TMEM255B: variants seen among roughly 807,000 people sequenced by gnomAD.
TMEM255B encodes family with sequence similarity 70, member B.
Under a neutral mutation model 34.5 loss-of-function variants are expected in TMEM255B, and 35 were observed. The ratio of observed to expected loss-of-function variants is 1.01; its 90% CI spans 0.77 to 1.34. TMEM255B has a LOEUF of 1.34. Among genes scored for constraint, TMEM255B ranks in the 40% most tolerant of loss-of-function variants. TMEM255B has a pLI of 0.00. For synonymous variants in TMEM255B, 206 were observed against 201.2 expected (o/e 1.02, Z -0.20); for missense variants, 432 against 433.2 (o/e 1.00, Z 0.02).
chr13:113,790,336 G>A (rs578193445), intron 3 of TMEM255B, among the ~76,000 whole-genome samples: 3 of 110,780 alleles, frequency 2.7e-5, no homozygotes, highest in Non-Finnish European at 6.1e-5. Context: ...TGGACTGACC[G>A]GACACATAGA....
chr13:113,773,181 A>G (rs192610674), intron 3 of TMEM255B, among the ~76,000 whole-genome samples: 170 of 152,266 alleles, frequency 1.1e-3, no homozygotes, highest in African/African-American at 3.6e-3. Context: ...TAGGTACTTT[A>G]TTCTTTTTGA....
At chr13:113,801,540 C>T (rs1430777100) in intron 6 of TMEM255B, 113 bp from the exon 7 acceptor site, 2 of 1,267,148 alleles carry the variant, frequency 1.6e-6, no homozygotes, top group African/African-American at 1.5e-5. Flanking sequence ...GACTGGGCTC[C>T]AGCCCTGATT....
chr13:113,761,229 C>G, intron 1 of TMEM255B: 1 of 985,364 alleles, frequency 1.0e-6, no homozygotes, highest in Non-Finnish European at 1.2e-6. Flanking sequence ...ATCTTAGAAC[C>G]CTTCCAAGCA....
rs2051406837 is a variant in TMEM255B, at chr13:113,816,814, C to T, written c.*4911C>T. 6.6e-6 allele frequency: 1 copy of T among 152,188 alleles called. No homozygotes were observed. The highest frequency in any genetic ancestry group is 2.4e-5 in the African/African-American group (1 of 41,412). The allele number at this position is 152,188 out of a possible 1,614,324, so 9.4% of individuals were successfully genotyped here. ...AGAAAACGTGCTTGAAACAAGGGCA[C>T]CATGGAGCGGACCCTCCCCCTCTCC... On this transcript the variant is annotated 3_prime_UTR_variant, in exon 9 of 9. Transcript: ENST00000375353.
chr13:113,763,151 A>G (rs2050334885), intron 1 of TMEM255B, among the ~76,000 whole-genome samples: 2 of 152,234 alleles, frequency 1.3e-5, no homozygotes, highest in Admixed American at 6.5e-5. Flanking sequence ...GCCTCTGGTC[A>G]TGATCAAATG....
intron 1 of TMEM255B, among the ~76,000 whole-genome samples, chr13:113,761,570 C>A (rs1033543732): frequency 9.2e-5 from 14 of 152,186 alleles, no homozygotes; most frequent in African/African-American, 2.9e-4. Context: ...GCCCCTTCAG[C>A]TTCACATCTC....
intron 5 of TMEM255B, 139 bp from the exon 6 acceptor site, chr13:113,800,688 C>T (rs1594159671): frequency 9.4e-6 from 7 of 745,096 alleles, no homozygotes; most frequent in South Asian, 3.4e-5. Context: ...TGTCTGGAGT[C>T]GGGGGAAAGT....
rs371163340 is a variant in TMEM255B, at chr13:113,762,771, C to G, written c.47-3344C>G. Among the ~76,000 whole-genome samples, 90 of 152,292 alleles carry G rather than the reference C, an allele frequency of 5.9e-4. 1 individual carries two copies. In the South Asian group the frequency reaches 0.018, roughly 30 times the overall value. On this transcript the variant is annotated intron_variant, in intron 1 of 8. Coordinates refer to ENST00000375353, the MANE Select transcript of TMEM255B (RefSeq NM_182614.4). ...TCACAGGGTTCCTGACAGACGGACG[C>G]CCACAGGAGGCTGGGACAGGAGCCC...
intron 1 of TMEM255B, among the ~76,000 whole-genome samples, chr13:113,765,637 A>C (rs374977490): frequency 4.6e-5 from 7 of 152,322 alleles, no homozygotes; most frequent in South Asian, 2.1e-4. Flanking sequence ...GCACAGCTGG[A>C]TGGCTGCTGT....
chr13:113,778,520 G>A (rs9604515), intron 3 of TMEM255B, among the ~76,000 whole-genome samples: 129 of 146,990 alleles, frequency 8.8e-4, no homozygotes, highest in African/African-American at 2.9e-3. Flanking sequence ...GTACTGTGGC[G>A]TCTTCTCCCG....
chr13:113,766,415 A>C (rs1470375171), intron 2 of TMEM255B, 158 bp downstream of exon 2: 2 of 1,046,492 alleles, frequency 1.9e-6, no homozygotes, highest in Non-Finnish European at 1.4e-6. Flanking sequence ...ACAGACATGC[A>C]CTTCCCAATC....
intron 7 of TMEM255B, 52 bp from the exon 8 acceptor site, chr13:113,804,833 C>T: frequency 1.8e-5 from 28 of 1,517,958 alleles, no homozygotes; most frequent in Non-Finnish European, 2.4e-5. Flanking sequence ...CTGGACAGCC[C>T]TTCCCTCCAC....
intron 2 of TMEM255B, among the ~76,000 whole-genome samples, chr13:113,766,726 A>G (rs534376475): frequency 6.6e-6 from 1 of 152,356 alleles, no homozygotes; most frequent in African/African-American, 2.4e-5. Context: ...AAGTAACTTT[A>G]AACGATTCCT....
chr13:113,804,021 G>T (rs941598243), intron 7 of TMEM255B, among the ~76,000 whole-genome samples: 16 of 71,960 alleles, frequency 2.2e-4, no homozygotes, highest in South Asian at 5.1e-4. Flanking sequence ...TTCCTCCAGG[G>T]TGCTGCTGAA....
Position 113,806,827 on chromosome 13 carries a change from AAGG to A in TMEM255B, c.813+1806_813+1808del, listed in dbSNP as rs974318497. On this transcript the variant is annotated intron_variant, in intron 8 of 8. Transcript: ENST00000375353. This position sits in a 1 kb window ranked among gnomAD's most constrained non-coding sequence, Gnocchi z 4.2. ...CAGAACTGGAGGCCCGCAGGGGTAG[AAGG>A]AGGAGGCCCGCAGGGGCAGAGGTAT... is the stretch of plus-strand genomic sequence containing the variant. Among the ~76,000 whole-genome samples, 1 of 105,710 alleles carries A rather than the reference AAGG, an allele frequency of 9.5e-6. No homozygotes were observed. Among genetic ancestry groups the A allele is most frequent in the Non-Finnish European group, 2.1e-5 (1 of 48,682 alleles). The allele number at this position is 105,710 out of a possible 152,430, so 69.3% of individuals were successfully genotyped here.
rs1340729557 is a variant in TMEM255B, at chr13:113,772,982, G to GT, written c.252+3823dup. ...AGGGATGTGCTGAATCTGTAGCTCA[G>GT]TGTAGGGAGTGTTACCATCTTAATA... On this transcript the variant is annotated intron_variant, in intron 3 of 8. Transcript: ENST00000375353. Among the ~76,000 whole-genome samples, 10 of 152,340 alleles carry GT rather than the reference G, an allele frequency of 6.6e-5. No homozygotes were observed. In the East Asian group the frequency reaches 1.9e-3, roughly 29 times the overall value.
chr13:113,782,708 G>C (rs528625110), intron 3 of TMEM255B, among the ~76,000 whole-genome samples: 1 of 151,720 alleles, frequency 6.6e-6, no homozygotes, highest in Non-Finnish European at 1.5e-5. Flanking sequence ...CCACCTGAAC[G>C]GGGAAGGTGT....
At chr13:113,787,118 A>G (rs181378309) in intron 3 of TMEM255B, among the ~76,000 whole-genome samples, 1 of 152,326 alleles carries the variant, frequency 6.6e-6, no homozygotes, top group Admixed American at 6.5e-5. Context: ...TAATTTTAAA[A>G]TTTTGTCTCT....
At chr13:113,779,805 AAAT>A (rs1394124049) in intron 3 of TMEM255B, among the ~76,000 whole-genome samples, 1 of 152,254 alleles carries the variant, frequency 6.6e-6, no homozygotes, top group Non-Finnish European at 1.5e-5. Flanking sequence ...AAACTGTAGA[AAAT>A]AATAACAATT....
Sources: gnomAD v4.1 joint callset for allele counts (sites outside exome capture counted in the v4.1 genomes callset) on GRCh38, gnomAD v4.1.1 for gene constraint, Gnocchi (gnomAD v3.1) non-coding constraint, MANE v1.5 for transcripts, NCBI Gene and HGNC (gene_info 2026-07-23, HGNC 2026-07-21) for gene names.